The following ADCY5 variants were observed in gnomAD, a reference collection of about 807,000 sequenced individuals.
ADCY5 encodes adenylate cyclase 5.
In ADCY5, 30 loss-of-function variants were observed where a neutral mutation model predicts 119.7. The observed-to-expected ratio is 0.25, with a 90% CI of 0.19 to 0.34. The LOEUF is 0.34. Among genes scored for constraint, ADCY5 ranks in the 10% least tolerant of loss-of-function variants. ADCY5 has a pLI of 1.00. For synonymous variants in ADCY5, 753 were observed against 762.2 expected, an observed-to-expected ratio of 0.99 and a Z score of 0.20; for missense variants, 1,324 against 1,775.2, an observed-to-expected ratio of 0.75 and a Z score of 4.57.
At chr3:123,392,732 G>GTCTCCC (rs1284309103) in intron 1 of ADCY5, among the ~76,000 whole-genome samples, 3 of 151,648 alleles carry the variant, frequency 2.0e-5, no homozygotes, top group Non-Finnish European at 2.9e-5. Context: ...CTGCCTCTCT[G>GTCTCCC]TCTCCCTCTC....
chr3:123,352,143 G>C lies in ADCY5; in HGVS notation c.1284+289C>G, dbSNP rs1484656015. 1.3e-5 allele frequency among the ~76,000 whole-genome samples: 2 copies of C among 152,152 alleles called. No individual in the cohort carries two copies. The highest frequency in any genetic ancestry group is 2.9e-5 in the Non-Finnish European group (2 of 68,012). On this transcript the variant is annotated intron_variant, in intron 2 of 20. Coordinates refer to ENST00000462833, the MANE Select transcript of ADCY5 (RefSeq NM_183357.3). The surrounding 1 kb of genome is among the most constrained non-coding windows in gnomAD (Gnocchi z 4.8). ...TGTGGGGAAGGAGTGGGGGCCGTGT[G>C]GGGAGGGAGAGAGGGACCCTCTGGC...
At chr3:123,320,820 G>A in intron 8 of ADCY5, 49 bp from the exon 9 acceptor site, 1 of 1,445,126 alleles carries the variant, frequency 6.9e-7, no homozygotes. Context: ...AGAACAGAGA[G>A]AACTGAAAGC....
At chr3:123,319,952 G>A (rs538478695) in intron 9 of ADCY5, 134 bp from the exon 10 acceptor site, 34 of 1,265,572 alleles carry the variant, frequency 2.7e-5, no homozygotes, top group Middle Eastern at 2.8e-4. Flanking sequence ...TCAGGGCAGC[G>A]GGAGCTGAGA....
At chr3:123,412,098 C>A (rs1490465281) in intron 1 of ADCY5, among the ~76,000 whole-genome samples, 4 of 152,202 alleles carry the variant, frequency 2.6e-5, no homozygotes, top group Non-Finnish European at 5.9e-5. Flanking sequence ...CTCATAAAAC[C>A]TTCCTCCACA....
At chr3:123,393,010 C>G (rs1245489278) in intron 1 of ADCY5, among the ~76,000 whole-genome samples, 2 of 152,166 alleles carry the variant, frequency 1.3e-5, no homozygotes, top group East Asian at 3.8e-4. Context: ...ATGGCACATG[C>G]TAGGAAGACT....
In ADCY5 at chr3:123,396,801, GGC is replaced by G. The variant is rs1245303518; in HGVS notation, c.1135-44222_1135-44221del. Among the ~76,000 whole-genome samples the G allele has an allele frequency of 9.8e-3, 852 of 86,916 alleles. 37 individuals carry two copies. Among genetic ancestry groups the G allele is most frequent in the African/African-American group, 0.033 (801 of 24,348 alleles). 57.0% of individuals were successfully genotyped at this position (86,916 alleles called of 152,430 possible). ...AGGAAGGCAGGCAGGCAGGCAGGCA[GGC>G]AGGCAGGCAGGCAGGCGAGAGAGAG... On this transcript the variant is annotated intron_variant, in intron 1 of 20. Transcript: ENST00000462833.
chr3:123,408,623 T>G (rs1205037847), intron 1 of ADCY5, among the ~76,000 whole-genome samples: 4 of 146,906 alleles, frequency 2.7e-5, no homozygotes, highest in Non-Finnish European at 5.9e-5. Context: ...GCCACTGCAC[T>G]CCAGCCTGGG....
intron 1 of ADCY5, among the ~76,000 whole-genome samples, chr3:123,435,591 T>C (rs1945595270): frequency 1.3e-5 from 2 of 152,130 alleles, no homozygotes; most frequent in Non-Finnish European, 2.9e-5. Context: ...TTGTTTCTCA[T>C]ACTAAGAAAA....
chr3:123,312,749 G>A (rs1940653218), intron 12 of ADCY5, among the ~76,000 whole-genome samples: 1 of 152,192 alleles, frequency 6.6e-6, no homozygotes, highest in Non-Finnish European at 1.5e-5. Flanking sequence ...CTTTATGATG[G>A]AATAACATTC....
intron 19 of ADCY5, among the ~76,000 whole-genome samples, chr3:123,288,843 GA>G (rs1194918299): frequency 6.6e-6 from 1 of 152,186 alleles, no homozygotes; most frequent in African/African-American, 2.4e-5. Flanking sequence ...ACCTCTGCCG[GA>G]CACCACAGAG....
At chr3:123,299,819 C>T (rs751762894) in intron 15 of ADCY5, among the ~76,000 whole-genome samples, 1 of 152,270 alleles carries the variant, frequency 6.6e-6, no homozygotes, top group East Asian at 1.9e-4. Flanking sequence ...TGGACCGTGA[C>T]TCCTCTGAGC....
intron 12 of ADCY5, among the ~76,000 whole-genome samples, chr3:123,304,981 T>A (rs1290102887): frequency 6.6e-6 from 1 of 152,046 alleles, no homozygotes; most frequent in African/African-American, 2.4e-5. Context: ...GCCCTACCCC[T>A]ACCTGCCCCC....
At position 123,318,027 on chromosome 3, in the gene ADCY5, C is replaced by T. The variant is rs147630334; in HGVS notation, c.2347G>A (p.Val783Met). The T allele has an allele frequency of 7.3e-4, 1,172 of 1,613,292 alleles. 1 individual carries two copies. Among genetic ancestry groups the T allele is most frequent in the Non-Finnish European group, 7.7e-4 (911 of 1,179,728 alleles). ...LFICFVQITI[V>M]PHSIFMLSFY... The stretch of plus-strand genomic sequence containing the variant: ...AGGGACGGGGATACTCACTGGGGCA[C>T]GATGGTGATCTGGACAAAGCAGATG... Residue 783 changes from valine to methionine, a missense_variant, in exon 11 of 21, where the codon GTG becomes ATG. Val to Met is a conservative substitution (Grantham distance 21). Around this residue, in one of 6 missense-constraint regions of ADCY5, gnomAD observed 424 missense variants for 546.8 expected, o/e 0.78. Coordinates refer to ENST00000462833, the MANE Select transcript of ADCY5 (RefSeq NM_183357.3).
At chr3:123,357,861 C>G (rs2108515133) in intron 1 of ADCY5, among the ~76,000 whole-genome samples, 1 of 152,090 alleles carries the variant, frequency 6.6e-6, no homozygotes, top group East Asian at 1.9e-4. Context: ...CAGAGGGAGT[C>G]TGAAGTTTAA....
intron 3 of ADCY5, among the ~76,000 whole-genome samples, chr3:123,343,934 G>T (rs1942399982): frequency 6.6e-6 from 1 of 152,230 alleles, no homozygotes; most frequent in South Asian, 2.1e-4. Flanking sequence ...GGTCTCCAGG[G>T]GTCCCCTGGC....
rs749651565 is a variant in ADCY5 at position 123,447,678 on chromosome 3, G to A, written c.868C>T (p.Arg290Cys). The A allele has an allele frequency of 1.9e-6, 3 of 1,606,072 alleles. No individual in the cohort carries two copies. Among genetic ancestry groups the A allele is most frequent in the Non-Finnish European group, 2.6e-6 (3 of 1,175,792 alleles). ...VILIMAVLCN[R>C]AAFHQDHMGL... ...ATGTGGTCCTGGTGGAAGGCGGCGC[G>A]GTTGCAAAGCACAGCCATGATGAGG... Residue 290 changes from arginine to cysteine, a missense_variant, in exon 1 of 21, where the codon CGC becomes TGC. Physicochemically the swap from Arg to Cys is radical, Grantham distance 180. Coordinates refer to ENST00000462833, the MANE Select transcript of ADCY5 (RefSeq NM_183357.3).
chr3:123,368,906 T>C lies in ADCY5; in HGVS notation c.1135-16325A>G, dbSNP rs555535525. On this transcript the variant is annotated intron_variant, in intron 1 of 20. Transcript: ENST00000462833. Reference sequence around the variant, plus strand: ...AGAAAATTGAAGGCTGCAGGGTACCTTTAAGGCCTTGAATATTCCAACTCA... The same window carrying C: ...AGAAAATTGAAGGCTGCAGGGTACCCTTAAGGCCTTGAATATTCCAACTCA... Among the ~76,000 whole-genome samples, 347 of 152,302 alleles carry C rather than the reference T, an allele frequency of 2.3e-3. 1 individual carries two copies. Among genetic ancestry groups the C allele is most frequent in the African/African-American group, 8.1e-3 (335 of 41,566 alleles).
At chr3:123,392,498 TAGAG>T (rs1307887195) in intron 1 of ADCY5, among the ~76,000 whole-genome samples, 3 of 152,076 alleles carry the variant, frequency 2.0e-5, no homozygotes, top group Admixed American at 6.5e-5. Flanking sequence ...ACCGCAGACT[TAGAG>T]AGGCACAGAG....
chr3:123,410,271 A>G (rs1486635362), intron 1 of ADCY5, among the ~76,000 whole-genome samples: 1 of 152,086 alleles, frequency 6.6e-6, no homozygotes, highest in Non-Finnish European at 1.5e-5. Flanking sequence ...AACAGCCCAC[A>G]AAGACTCCCT....
Sources: allele counts gnomAD v4.1 joint callset (sites outside exome capture counted in the v4.1 genomes callset), GRCh38; gene constraint gnomAD v4.1.1; regional missense constraint gnomAD v4.1.1; non-coding constraint Gnocchi (gnomAD v3.1); transcripts MANE v1.5; gene names NCBI Gene and HGNC (gene_info 2026-07-23, HGNC 2026-07-21).